The following BMF variants were observed in gnomAD, a reference collection of about 807,000 sequenced individuals.
The protein encoded by BMF is bcl-2-modifying factor.
A neutral mutation model predicts 22.0 loss-of-function variants in BMF; 10 were observed. The ratio of observed to expected loss-of-function variants is 0.45; its 90% CI spans 0.28 to 0.77. The LOEUF (loss-of-function observed/expected upper bound fraction) is 0.77, where lower values mean the gene tolerates loss of function less well. Ranked by LOEUF, BMF falls within the 30% of genes least tolerant of loss-of-function variation. The pLI is 0.13. For missense variants in BMF, 206 were observed against 226.8 expected (o/e 0.91, Z 0.59); for synonymous variants, 87 against 88.1 (o/e 0.99, Z 0.07).
rs58296260 is a variant in BMF at position 40,107,533 on chromosome 15, A to AGTGTGTGTGTGT, written c.-6+714_-6+725dup. On this transcript the variant is annotated intron_variant, in intron 2 of 4. Transcript: ENST00000354670. ...GGTGTTCTTTGGACCGTGTTTCCCA[A>AGTGTGTGTGTGT]GTGTGTGTGTGTGTGTGTGTGTGTG... Among the ~76,000 whole-genome samples, 347 of 137,496 alleles carry AGTGTGTGTGTGT rather than the reference A, an allele frequency of 2.5e-3. 1 individual carries two copies. Among genetic ancestry groups the AGTGTGTGTGTGT allele is most frequent in the African/African-American group, 4.4e-3 (159 of 35,896 alleles). 90.2% of individuals were successfully genotyped at this position (137,496 alleles called of 152,430 possible). A position where few individuals can be genotyped will look rare whatever the true frequency, so the allele number is the denominator to read the frequency against.
At chr15:40,100,706 A>G (rs1195429830) in intron 4 of BMF, among the ~76,000 whole-genome samples, 3 of 152,186 alleles carry the variant, frequency 2.0e-5, no homozygotes, top group African/African-American at 7.2e-5. Flanking sequence ...AAATGCGCTG[A>G]AAGTGCAGAT....
chr15:40,107,905 C>T (rs2141067688), intron 2 of BMF: 1 of 152,468 alleles, frequency 6.6e-6, no homozygotes. Flanking sequence ...AGGGACCCCT[C>T]TCACGCTCCA....
chr15:40,092,800 T>TG (rs35430238), intron 4 of BMF, among the ~76,000 whole-genome samples: 1 of 150,678 alleles, frequency 6.6e-6, no homozygotes, highest in Admixed American at 6.6e-5. Context: ...GGGTGGAAAC[T>TG]GGGGGGTGCT....
At chr15:40,092,962 G>A (rs535840124) in intron 4 of BMF, among the ~76,000 whole-genome samples, 13 of 152,334 alleles carry the variant, frequency 8.5e-5, no homozygotes, top group South Asian at 4.2e-4. Flanking sequence ...CAGTGGCCCC[G>A]TCAGCAAGCA....
chr15:40,107,554 G>T (rs1389914345), intron 2 of BMF, among the ~76,000 whole-genome samples: 1 of 151,666 alleles, frequency 6.6e-6, no homozygotes, highest in Non-Finnish European at 1.5e-5. Context: ...GTGTGTGTGT[G>T]TGTGTGTGTG....
At chr15:40,102,416 CAA>C (rs71132141) in intron 4 of BMF, among the ~76,000 whole-genome samples, 99 of 95,800 alleles carry the variant, frequency 1.0e-3, no homozygotes, top group East Asian at 5.2e-3. Flanking sequence ...GCGAAAGAGC[CAA>C]AAAAAAAAAA....
chr15:40,092,013 C>G (rs2036243426), intron 4 of BMF, 125 bp from the exon 5 acceptor site: 15 of 705,132 alleles, frequency 2.1e-5, no homozygotes, highest in Admixed American at 5.1e-5. Context: ...CCTATCAGTA[C>G]AGCTCACAGC....
At position 40,106,310 on chromosome 15, in the gene BMF, C is replaced by T. The variant is rs2036586625; in HGVS notation, c.-5-219G>A. On this transcript the variant is annotated intron_variant, in intron 2 of 4. Transcript: ENST00000354670. The surrounding 1 kb of genome is among the most constrained non-coding windows in gnomAD (Gnocchi z 4.1). ...TGTTCAGGGGCTCTCCACACCTCTT[C>T]CCTGGGCCCGCCTGGAACCACCCTT... 1 of 478,518 alleles carries T rather than the reference C, an allele frequency of 2.1e-6. No individual in the cohort carries two copies. Among genetic ancestry groups the T allele is most frequent in the Non-Finnish European group, 3.5e-6 (1 of 282,390 alleles). The allele number at this position is 478,518 out of a possible 1,614,324, so 29.6% of individuals were successfully genotyped here.
At chr15:40,105,139 G>A (rs1351395687) in intron 3 of BMF, among the ~76,000 whole-genome samples, 4 of 152,318 alleles carry the variant, frequency 2.6e-5, no homozygotes, top group Non-Finnish European at 1.5e-5. Flanking sequence ...AGTAAGCCAC[G>A]CTCCTAGCCT....
In BMF at chr15:40,090,599, T is replaced by C. The variant is rs539743641; in HGVS notation, c.*1188A>G. The C allele has an allele frequency of 6.5e-6, 1 of 152,776 alleles. No homozygotes were observed. The highest frequency in any genetic ancestry group is 1.9e-4 in the East Asian group (1 of 5,192). The allele number at this position is 152,776 out of a possible 1,614,324, so 9.5% of individuals were successfully genotyped here. A position where few individuals can be genotyped will look rare whatever the true frequency, so the allele number is the denominator to read the frequency against. Reference sequence around the variant, plus strand: ...GGTTCCAGAGCATGCCCTTCTGGCCTAGCTGGAAGCTGGAGGAAGATAGGA... The same window carrying C: ...GGTTCCAGAGCATGCCCTTCTGGCCCAGCTGGAAGCTGGAGGAAGATAGGA... On this transcript the variant is annotated 3_prime_UTR_variant, in exon 5 of 5. Coordinates refer to ENST00000354670, the MANE Select transcript of BMF (RefSeq NM_001003940.2).
At chr15:40,104,398 C>T (rs1188394667) in intron 3 of BMF, 58 bp from the exon 4 acceptor site, 24 of 1,592,126 alleles carry the variant, frequency 1.5e-5, no homozygotes, top group Admixed American at 1.0e-4. Context: ...AACCTCCCTA[C>T]GCCTGCCTGA....
At chr15:40,094,667 C>T (rs779254822) in intron 4 of BMF, among the ~76,000 whole-genome samples, 11 of 152,186 alleles carry the variant, frequency 7.2e-5, no homozygotes, top group Non-Finnish European at 1.6e-4. Flanking sequence ...CTCTCCCAGA[C>T]CCACTGGGTC....
In BMF at chr15:40,097,850, G is replaced by A. The variant is rs144335756; in HGVS notation, c.454-5962C>T. 4.7e-3 allele frequency among the ~76,000 whole-genome samples: 718 copies of A among 152,242 alleles called. 2 individuals carry two copies. Among genetic ancestry groups the A allele is most frequent in the African/African-American group, 0.017 (699 of 41,528 alleles). ...CCGGCCTGGGGAGCACCATCTTCCC[G>A]GCAGACTCACGAAATCCCTGGGAGA... On this transcript the variant is annotated intron_variant, in intron 4 of 4. Transcript: ENST00000354670.
At position 40,106,784 on chromosome 15, in the gene BMF, G is replaced by A. The variant is rs1244090250; in HGVS notation, c.-5-693C>T. The A allele has an allele frequency of 6.6e-6, 1 of 152,354 alleles. No individual in the cohort carries two copies. 9.4% of individuals were successfully genotyped at this position (152,354 alleles called of 1,614,324 possible). On this transcript the variant is annotated intron_variant, in intron 2 of 4. Coordinates refer to ENST00000354670, the MANE Select transcript of BMF (RefSeq NM_001003940.2). The surrounding 1 kb of genome is among the most constrained non-coding windows in gnomAD (Gnocchi z 4.1). ...GGAGAGGGGATAAAGACCCAAGCTA[G>A]TCATTGCAGCTGCCGTCTCGGCTCT...
intron 3 of BMF, among the ~76,000 whole-genome samples, chr15:40,105,158 C>T (rs2036560595): frequency 6.6e-6 from 1 of 152,234 alleles, no homozygotes. Flanking sequence ...CTTTACCCTC[C>T]CTCCATAAGC....
chr15:40,100,067 C>A (rs971349371), intron 4 of BMF, among the ~76,000 whole-genome samples: 2 of 152,200 alleles, frequency 1.3e-5, no homozygotes, highest in Non-Finnish European at 2.9e-5. Flanking sequence ...AGAATTCCAA[C>A]CCTCCTGTAG....
intron 4 of BMF, among the ~76,000 whole-genome samples, chr15:40,094,623 C>A (rs1368763227): frequency 6.6e-6 from 1 of 152,174 alleles, no homozygotes; most frequent in African/African-American, 2.4e-5. Flanking sequence ...ACTAAGCCAG[C>A]TGAGGTGCTC....
intron 4 of BMF, among the ~76,000 whole-genome samples, chr15:40,093,168 G>C (rs571468426): frequency 6.6e-6 from 1 of 152,188 alleles, no homozygotes; most frequent in Admixed American, 6.5e-5. Flanking sequence ...CCTTTCCCAG[G>C]GCCACCATGC....
chr15:40,097,200 TG>T (rs1567032782), intron 4 of BMF, among the ~76,000 whole-genome samples: 3 of 150,386 alleles, frequency 2.0e-5, no homozygotes, highest in Non-Finnish European at 4.4e-5. Context: ...AGCACCCAAC[TG>T]AGCTACCAAG....
Sources: gnomAD v4.1 joint callset for allele counts (sites outside exome capture counted in the v4.1 genomes callset) on GRCh38, gnomAD v4.1.1 for gene constraint, Gnocchi (gnomAD v3.1) non-coding constraint, MANE v1.5 for transcripts, NCBI Gene and HGNC (gene_info 2026-07-23, HGNC 2026-07-21) for gene names.